Variants in GRIP1 observed in about 807,000 individuals in gnomAD.
The protein encoded by GRIP1 is glutamate receptor interacting protein 1, also known as glutamate receptor-interacting protein 1.
In GRIP1, 45 loss-of-function variants were observed where a neutral mutation model predicts 129.9. The observed-to-expected ratio is 0.35, with a 90% CI of 0.27 to 0.44. The LOEUF is 0.44. Among genes scored for constraint, GRIP1 ranks in the 20% least tolerant of loss-of-function variants. The pLI is 1.00. For synonymous variants in GRIP1, 530 were observed against 520.8 expected (o/e 1.02, Z -0.24); for missense variants, 1,196 against 1,396.8 (o/e 0.86, Z 2.29).
intron 5 of GRIP1, among the ~76,000 whole-genome samples, chr12:66,525,863 C>T (rs1951601489): frequency 6.6e-6 from 1 of 151,886 alleles, no homozygotes; most frequent in Admixed American, 6.6e-5. Context: ...GTACAAAAAT[C>T]ACAAGCATTC....
At chr12:66,696,688 C>T (rs935287103) in intron 1 of GRIP1, among the ~76,000 whole-genome samples, 2 of 151,612 alleles carry the variant, frequency 1.3e-5, no homozygotes, top group East Asian at 3.9e-4. Flanking sequence ...ACCTGTAGTC[C>T]CAGCTACTTG....
intron 11 of GRIP1, among the ~76,000 whole-genome samples, chr12:66,454,667 T>C (rs7307540): frequency 0.23 from 35,068 of 152,158 alleles, 4,536 homozygotes; most frequent in Middle Eastern, 0.42. Flanking sequence ...TCTTCCTAGT[T>C]TTGCTTAGTC....
At chr12:66,875,529 G>A (rs937561980) in intron 1 of GRIP1, among the ~76,000 whole-genome samples, 2 of 151,972 alleles carry the variant, frequency 1.3e-5, no homozygotes, top group Admixed American at 1.3e-4. Flanking sequence ...TAAAAATAAA[G>A]CCTGGTATCA....
chr12:66,635,988 G>A (rs1034707032), intron 1 of GRIP1, among the ~76,000 whole-genome samples: 3 of 152,120 alleles, frequency 2.0e-5, no homozygotes, highest in Admixed American at 6.6e-5. Context: ...ACAACAGCCC[G>A]ATGGTGGAAG....
intron 5 of GRIP1, among the ~76,000 whole-genome samples, chr12:66,524,308 C>G (rs956160984): frequency 2.0e-5 from 3 of 152,126 alleles, no homozygotes; most frequent in Non-Finnish European, 4.4e-5. Context: ...TGTAAAAGAA[C>G]ACAAATTATA....
chr12:66,895,519 T>A (rs192608826), intron 1 of GRIP1, among the ~76,000 whole-genome samples: 6 of 152,170 alleles, frequency 3.9e-5, no homozygotes, highest in Non-Finnish European at 8.8e-5. Context: ...TGCACCCTTA[T>A]AGTAGTCAAC....
In GRIP1 at chr12:66,439,542, A is replaced by C. The variant is rs536338424; in HGVS notation, c.1687+5042T>G. Among the ~76,000 whole-genome samples, 3 of 150,786 alleles carry C rather than the reference A, an allele frequency of 2.0e-5. No individual in the cohort carries two copies. In the East Asian group the frequency reaches 6.0e-4, roughly 30 times the overall value. ...GTAGTGTAGTGTAGTGTAGTGCTGC[A>C]GGTGTGGCCTTTGAAGCCAGACTGC... On this transcript the variant is annotated intron_variant, in intron 13 of 24. Coordinates refer to ENST00000359742, the MANE Select transcript of GRIP1 (RefSeq NM_001366722.1).
intron 1 of GRIP1, among the ~76,000 whole-genome samples, chr12:67,016,200 G>T (rs570962164): frequency 5.3e-5 from 8 of 152,174 alleles, no homozygotes; most frequent in African/African-American, 1.9e-4. Flanking sequence ...AAATAAAATG[G>T]TTCCTTTCTC....
intron 15 of GRIP1, among the ~76,000 whole-genome samples, chr12:66,414,546 T>G (rs1428114499): frequency 6.6e-6 from 1 of 152,070 alleles, no homozygotes; most frequent in Non-Finnish European, 1.5e-5. Context: ...TTCAATACCA[T>G]GCCCATTAAA....
chr12:66,511,355 T>C lies in GRIP1; in HGVS notation c.724+4264A>G, dbSNP rs1041958563. On this transcript the variant is annotated intron_variant, in intron 7 of 24. Coordinates refer to ENST00000359742, the MANE Select transcript of GRIP1 (RefSeq NM_001366722.1). ...TATCAGCAGCATGAAAATGGACTAA[T>C]ACAAATACCAAGCACTAGTGAGGAT... is the stretch of plus-strand genomic sequence containing the variant. Among the ~76,000 whole-genome samples the C allele has an allele frequency of 2.6e-5, 4 of 152,132 alleles. No homozygotes were observed. In the East Asian group the frequency reaches 5.8e-4, roughly 22 times the overall value.
intron 1 of GRIP1, among the ~76,000 whole-genome samples, chr12:66,619,916 T>TG (rs1392581873): frequency 3.3e-5 from 5 of 152,202 alleles, no homozygotes; most frequent in African/African-American, 1.2e-4. Context: ...ATTGATCCTT[T>TG]GGGGTTGAAC....
chr12:67,060,929 T>C (rs1052409863), intron 1 of GRIP1, among the ~76,000 whole-genome samples: 2 of 151,952 alleles, frequency 1.3e-5, no homozygotes, highest in Admixed American at 6.6e-5. Context: ...AATGATCTTT[T>C]GGATATTGGG....
chr12:66,531,453 C>A (rs556917840), intron 4 of GRIP1, among the ~76,000 whole-genome samples: 1 of 151,424 alleles, frequency 6.6e-6, no homozygotes, highest in Non-Finnish European at 1.5e-5. Flanking sequence ...AAATTCTGAA[C>A]CCTCAAGGGA....
At chr12:66,489,199 GA>G in intron 7 of GRIP1, among the ~76,000 whole-genome samples, 1 of 152,144 alleles carries the variant, frequency 6.6e-6, no homozygotes, top group Non-Finnish European at 1.5e-5. Context: ...TATCCTTGAT[GA>G]ACATCAATGC....
At chr12:66,785,331 C>CATATATATATATATAT (rs1180271589) in intron 1 of GRIP1, among the ~76,000 whole-genome samples, 36 of 35,000 alleles carry the variant, frequency 1.0e-3, no homozygotes, top group African/African-American at 2.9e-3. Flanking sequence ...TACATACATA[C>CATATATATATATATAT]ATACATACAT....
rs925472571 is a variant in GRIP1, at chr12:66,697,809, C to T, written c.-419-67473G>A. Reference sequence around the variant, plus strand: ...TGGGTTACTCTCTTTGTAGGAAGTTCTGGCCTTATTCAAACTATGTTTCTC... The same window carrying T: ...TGGGTTACTCTCTTTGTAGGAAGTTTTGGCCTTATTCAAACTATGTTTCTC... On this transcript the variant is annotated intron_variant, in intron 1 of 4. Transcript: ENST00000538373. Among the ~76,000 whole-genome samples the T allele has an allele frequency of 9.2e-5, 14 of 152,304 alleles. No individual in the cohort carries two copies. In the South Asian group the frequency reaches 2.1e-3, roughly 23 times the overall value.
chr12:66,438,236 A>G lies in GRIP1; in HGVS notation c.1688-5608T>C, dbSNP rs150668113. On this transcript the variant is annotated intron_variant, in intron 13 of 24. Coordinates refer to ENST00000359742, the MANE Select transcript of GRIP1 (RefSeq NM_001366722.1). The stretch of plus-strand genomic sequence containing the variant: ...TACCAAACCTAAGCTGGGCCATTAG[A>G]TTCTTTCTCCTGGGAATGAGAAATT... Among the ~76,000 whole-genome samples the G allele has an allele frequency of 6.6e-5, 10 of 152,330 alleles. No individual in the cohort carries two copies. In the East Asian group the frequency reaches 1.5e-3, roughly 24 times the overall value.
intron 1 of GRIP1, among the ~76,000 whole-genome samples, chr12:66,695,833 G>A (rs1446436950): frequency 1.3e-5 from 2 of 152,198 alleles, no homozygotes; most frequent in African/African-American, 2.4e-5. Context: ...TCAGTAGGAT[G>A]TGTGGATGCA....
Position 66,527,686 on chromosome 12 carries a change from T to TA in GRIP1, c.502+2144dup, listed in dbSNP as rs1259918001. On this transcript the variant is annotated intron_variant, in intron 5 of 24. Transcript: ENST00000359742. ...ACTTAAAGTATAATAATAACAAAAT[T>TA]AAAAAAAAATTTCTGACTGTGGAAA... 8.6e-5 allele frequency among the ~76,000 whole-genome samples: 13 copies of TA among 151,528 alleles called. No individual in the cohort carries two copies. The East Asian group carries it at 1.7e-3, about 20-fold the overall frequency.
Sources: gnomAD v4.1 joint callset for allele counts (sites outside exome capture counted in the v4.1 genomes callset) on GRCh38, gnomAD v4.1.1 for gene constraint, MANE v1.5 for transcripts, NCBI Gene and HGNC (gene_info 2026-07-23, HGNC 2026-07-21) for gene names.